ERG: variants seen among roughly 807,000 people sequenced by gnomAD.
ERG encodes ETS transcription factor ERG.
Under a neutral mutation model 55.3 loss-of-function variants are expected in ERG, and 9 were observed. The ratio of observed to expected loss-of-function variants is 0.16; its 90% CI spans 0.10 to 0.28. The LOEUF (loss-of-function observed/expected upper bound fraction) is 0.28. Ranked by LOEUF, ERG falls within the 10% of genes least tolerant of loss-of-function variation. The probability of loss-of-function intolerance (pLI) is 1.00; values close to 1 mark genes in which losing one functional copy is unlikely to be tolerated. For synonymous variants in ERG, 223 were observed against 237.3 expected (o/e 0.94, Z 0.55); for missense variants, 434 against 631.6 (o/e 0.69, Z 3.35).
intron 6 of ERG, among the ~76,000 whole-genome samples, chr21:38,398,736 A>T (rs1988347062): frequency 6.6e-6 from 1 of 152,116 alleles, no homozygotes; most frequent in Admixed American, 6.5e-5. Context: ...CAGCTCCAGG[A>T]CCCACTGTCT....
chr21:38,466,304 T>TGTGG, intron 1 of ERG, among the ~76,000 whole-genome samples: 1 of 149,884 alleles, frequency 6.7e-6, no homozygotes, highest in East Asian at 1.9e-4. Context: ...GTCTGGGGTG[T>TGTGG]GTGTGTGTGT....
intron 1 of ERG, among the ~76,000 whole-genome samples, chr21:38,654,793 G>A (rs1192417509): frequency 1.3e-5 from 2 of 152,116 alleles, no homozygotes; most frequent in African/African-American, 4.8e-5. Context: ...GCTGTATCTT[G>A]AACTGCAGAA....
At chr21:38,511,763 A>T (rs922201494) in intron 2 of ERG, among the ~76,000 whole-genome samples, 2 of 152,212 alleles carry the variant, frequency 1.3e-5, no homozygotes, top group African/African-American at 4.8e-5. Context: ...CCTTGGCAGC[A>T]TCAACATTTT....
Position 38,424,185 on chromosome 21 carries a change from GAGCTCTCT to G in ERG, c.237-632_237-625del, listed in dbSNP as rs1330158063. The stretch of plus-strand genomic sequence containing the variant: ...TTAGAAAAGAAAGAGACCAGAGCTC[GAGCTCTCT>G]CTCTCTCTCTCTCTCTCTCTCTCTC... On this transcript the variant is annotated intron_variant, in intron 2 of 9. Transcript: ENST00000288319. Among the ~76,000 whole-genome samples, 216 of 58,572 alleles carry G rather than the reference GAGCTCTCT, an allele frequency of 3.7e-3. 2 individuals are homozygous for G. In the Middle Eastern group the frequency reaches 0.053, roughly 14 times the overall value. 38.4% of individuals were successfully genotyped at this position (58,572 alleles called of 152,430 possible).
upstream of ERG, among the ~76,000 whole-genome samples, chr21:38,501,599 G>A (rs923809514): frequency 5.3e-5 from 8 of 151,976 alleles, no homozygotes; most frequent in East Asian, 5.8e-4. Context: ...GCCACCACGC[G>A]GACCAAGTTA....
At chr21:38,594,400 A>G (rs75311027) in intron 1 of ERG, among the ~76,000 whole-genome samples, 3,362 of 152,270 alleles carry the variant, frequency 0.022, 76 homozygotes, top group East Asian at 0.093. Flanking sequence ...ATAGGTATGC[A>G]CTGCATCTAT....
At chr21:38,589,382 A>C (rs1334245930), upstream of ERG, among the ~76,000 whole-genome samples, 1 of 152,226 alleles carries the variant, frequency 6.6e-6, no homozygotes, top group Non-Finnish European at 1.5e-5. Context: ...CAATGGCAGC[A>C]GACGTAACTG....
At chr21:38,403,754 A>G (rs1206639427) in intron 3 of ERG, 45 bp from the exon 4 acceptor site, 1 of 1,579,398 alleles carries the variant, frequency 6.3e-7, no homozygotes, top group African/African-American at 1.3e-5. Context: ...GAAGCCAGGG[A>G]TCTTCATCTT....
chr21:38,388,057 A>T (rs536873821), intron 9 of ERG, among the ~76,000 whole-genome samples: 138 of 152,334 alleles, frequency 9.1e-4, no homozygotes, highest in South Asian at 1.2e-3. Flanking sequence ...CCACTGGAAG[A>T]CTGCACACTG....
At chr21:38,509,661 C>T (rs1371222787) in intron 2 of ERG, among the ~76,000 whole-genome samples, 1 of 152,122 alleles carries the variant, frequency 6.6e-6, no homozygotes, top group African/African-American at 2.4e-5. Context: ...GTTGGCACCC[C>T]ATTCCCATTC....
chr21:38,433,881 C>T (rs1990338899), intron 2 of ERG, among the ~76,000 whole-genome samples: 1 of 152,192 alleles, frequency 6.6e-6, no homozygotes, highest in African/African-American at 2.4e-5. Flanking sequence ...TGTCGAAAAT[C>T]TACCTATTCT....
chr21:38,620,710 T>C (rs1302438833), intron 1 of ERG, among the ~76,000 whole-genome samples: 2 of 152,194 alleles, frequency 1.3e-5, no homozygotes, highest in African/African-American at 4.8e-5. Context: ...GACTCTATCA[T>C]TCACTATTGC....
intron 2 of ERG, among the ~76,000 whole-genome samples, chr21:38,436,104 C>A (rs1336803029): frequency 6.7e-6 from 1 of 148,920 alleles, no homozygotes; most frequent in Non-Finnish European, 1.5e-5. Context: ...ACTGCAACCT[C>A]CGCCCCCACT....
intron 2 of ERG, among the ~76,000 whole-genome samples, chr21:38,553,150 T>A (rs910211349): frequency 6.6e-6 from 1 of 151,982 alleles, no homozygotes; most frequent in Non-Finnish European, 1.5e-5. Context: ...AAAATCTCTA[T>A]GACAAGTATT....
chr21:38,626,880 A>G (rs2060327816), intron 1 of ERG, among the ~76,000 whole-genome samples: 1 of 152,188 alleles, frequency 6.6e-6, no homozygotes, highest in South Asian at 2.1e-4. Flanking sequence ...TGAAGAAATG[A>G]AAGCCAAAAA....
At chr21:38,434,549 A>C (rs1488103681) in intron 2 of ERG, among the ~76,000 whole-genome samples, 2 of 152,232 alleles carry the variant, frequency 1.3e-5, no homozygotes, top group African/African-American at 4.8e-5. Flanking sequence ...GAGTGAGTAC[A>C]TTTATGAATG....
At chr21:38,598,242 AC>A (rs2060143653) in intron 1 of ERG, among the ~76,000 whole-genome samples, 1 of 152,196 alleles carries the variant, frequency 6.6e-6, no homozygotes, top group Non-Finnish European at 1.5e-5. Flanking sequence ...ATCTGATGCC[AC>A]CTGCATCAGA....
At chr21:38,604,910 A>G (rs77348676) in intron 1 of ERG, among the ~76,000 whole-genome samples, 3,094 of 152,316 alleles carry the variant, frequency 0.02, 56 homozygotes, top group Non-Finnish European at 0.031. Context: ...TGTTAACCAG[A>G]AAGTGTACTT....
At chr21:38,378,836 G>A (rs1987310864), downstream of ERG, among the ~76,000 whole-genome samples, 1 of 152,178 alleles carries the variant, frequency 6.6e-6, no homozygotes, top group Non-Finnish European at 1.5e-5. Flanking sequence ...TTAAGAAAAA[G>A]CTTTTGGAAT....
Sources: allele counts gnomAD v4.1 joint callset (sites outside exome capture counted in the v4.1 genomes callset), GRCh38; gene constraint gnomAD v4.1.1; transcripts MANE v1.5; gene names NCBI Gene and HGNC (gene_info 2026-07-23, HGNC 2026-07-21).